The following WNK1 variants were observed in gnomAD, a reference collection of about 807,000 sequenced individuals.
WNK1 encodes WNK lysine deficient protein kinase 1.
In WNK1, 38 loss-of-function variants were observed where a neutral mutation model predicts 222.8. The observed-to-expected ratio is 0.17, with a 90% confidence interval of 0.13 to 0.22. WNK1 has a LOEUF of 0.22. Ranked by LOEUF, WNK1 falls within the 10% of genes least tolerant of loss-of-function variation. The pLI, the probability that WNK1 is intolerant of heterozygous loss-of-function variation, is 1.00. For missense variants in WNK1, 2,348 were observed against 2,918.4 expected (o/e 0.80, Z 4.50); for synonymous variants, 1,090 against 1,092.9 (o/e 1.00, Z 0.05).
intron 1 of WNK1, among the ~76,000 whole-genome samples, chr12:793,361 C>T (rs1477596735): frequency 6.6e-6 from 1 of 152,126 alleles, no homozygotes; most frequent in African/African-American, 2.4e-5. Flanking sequence ...AAGGAGAAAA[C>T]GTGTTGGTTC....
Position 882,201 on chromosome 12 carries a change from A to ATT in WNK1, c.3372+141_3372+142dup, listed in dbSNP as rs869267090. The ATT allele has an allele frequency of 7.0e-4, 625 of 886,840 alleles. 1 individual carries two copies. The highest frequency in any genetic ancestry group is 8.5e-4 in the Non-Finnish European group (513 of 603,478). The allele number at this position is 886,840 out of a possible 1,614,324, so 54.9% of individuals were successfully genotyped here. ...GATAACTATCTGTGTGTGACAGATA[A>ATT]TTTTTTTTTTTTTTAGACGGAGTCT... is the stretch of plus-strand genomic sequence containing the variant. On this transcript the variant is annotated intron_variant, in intron 14 of 27. Coordinates refer to ENST00000315939, the MANE Select transcript of WNK1 (RefSeq NM_018979.4).
intron 8 of WNK1, chr12:867,897 C>T: frequency 6.2e-7 from 1 of 1,613,970 alleles, no homozygotes; most frequent in Non-Finnish European, 8.5e-7. Context: ...TGTGGGGGGA[C>T]CCCAACATAC....
chr12:908,672 A>G lies in WNK1; in HGVS notation c.7029A>G (p.Pro2343=). Residue 2343 remains proline (P), a synonymous_variant, in exon 28 of 28, where the codon CCA becomes CCG. Coordinates refer to ENST00000315939, the MANE Select transcript of WNK1 (RefSeq NM_018979.4). ...FGAQWSGTGG[P]APQPLGQFQP... is the part of the protein sequence containing the mutation. Reference sequence around the variant, plus strand: ...CTCAATGGAGTGGGACGGGTGGCCCAGCACCACAGCCACTTGGCCAGTTCC... The same window carrying G: ...CTCAATGGAGTGGGACGGGTGGCCCGGCACCACAGCCACTTGGCCAGTTCC... 1 of 1,614,208 alleles carries G rather than the reference A, an allele frequency of 6.2e-7. No homozygotes were observed. The highest frequency in any genetic ancestry group is 8.5e-7 in the Non-Finnish European group (1 of 1,180,036).
intron 4 of WNK1, among the ~76,000 whole-genome samples, chr12:838,078 AGT>A (rs3072742): frequency 0.21 from 30,629 of 148,638 alleles, 3,372 homozygotes; most frequent in Middle Eastern, 0.28. Flanking sequence ...GTAATATTCC[AGT>A]GTGTGTGTGT....
chr12:871,354 A>G lies in WNK1; in HGVS notation c.2223+6A>G. ...CCATACAACATCCTCAGCAGGTGAG[A>G]ACAATGCATTGCAACATTTTATGAA... On this transcript the variant is annotated splice_donor_region_variant and intron_variant, in intron 9 of 27. Transcript: ENST00000315939. 1 of 1,613,512 alleles carries G rather than the reference A, an allele frequency of 6.2e-7. No individual in the cohort carries two copies. Among genetic ancestry groups the G allele is most frequent in the Non-Finnish European group, 8.5e-7 (1 of 1,179,444 alleles).
chr12:804,897 A>ATATTTTTATATTT (rs11276082), intron 1 of WNK1, among the ~76,000 whole-genome samples: 2 of 11,064 alleles, frequency 1.8e-4, no homozygotes, highest in East Asian at 0.01. Flanking sequence ...AATTTGGTAC[A>ATATTTTTATATTT]TATTTTTATA....
At chr12:859,882 ATT>A in intron 6 of WNK1, among the ~76,000 whole-genome samples, 1 of 151,506 alleles carries the variant, frequency 6.6e-6, no homozygotes, top group Non-Finnish European at 1.5e-5. Context: ...CACCTGACTA[ATT>A]TTTGTATTTT....
At chr12:777,552 C>T (rs747950958) in intron 1 of WNK1, among the ~76,000 whole-genome samples, 2 of 152,088 alleles carry the variant, frequency 1.3e-5, no homozygotes, top group South Asian at 2.1e-4. Context: ...TTGGACCAAA[C>T]GTAGTCTGCT....
At chr12:822,371 G>A (rs1947972605) in intron 2 of WNK1, among the ~76,000 whole-genome samples, 1 of 152,110 alleles carries the variant, frequency 6.6e-6, no homozygotes, top group African/African-American at 2.4e-5. Flanking sequence ...GGGATTACAG[G>A]CGTAAGCCAC....
chr12:840,380 C>T (rs1231443841), intron 4 of WNK1, among the ~76,000 whole-genome samples: 3 of 150,468 alleles, frequency 2.0e-5, no homozygotes, highest in African/African-American at 7.4e-5. Flanking sequence ...GATCCTCCTA[C>T]TTTAGCCTCC....
At chr12:842,545 T>C (rs1949708590) in intron 4 of WNK1, among the ~76,000 whole-genome samples, 1 of 152,190 alleles carries the variant, frequency 6.6e-6, no homozygotes, top group Admixed American at 6.5e-5. Context: ...CTACTCTCAC[T>C]TTGTTCTTTC....
At chr12:824,256 CCTAATTGTCA>C (rs1951970810) in intron 2 of WNK1, among the ~76,000 whole-genome samples, 1 of 146,508 alleles carries the variant, frequency 6.8e-6, no homozygotes, top group East Asian at 2.0e-4. Flanking sequence ...ACTGATGGTG[CCTAATTGTCA>C]CTTTTCTTTC....
intron 22 of WNK1, among the ~76,000 whole-genome samples, chr12:894,355 T>C (rs1326582801): frequency 6.6e-6 from 1 of 152,222 alleles, no homozygotes; most frequent in Non-Finnish European, 1.5e-5. Flanking sequence ...TATGTTAATG[T>C]TGTAGTTGGT....
rs1471388401 is a variant in WNK1, at chr12:884,975, G to A, written c.4171G>A (p.Gly1391Ser). ...GATTGCTGGAGTTGCCACCAGCACA[G>A]GTGTGGTAACTTCAGGTGGTCTCCC... ...EGIAGVATST[G>S]VVTSGGLPIP... is the part of the protein sequence containing the mutation. The change falls in exon 19 of 28, where the codon GGT (glycine) becomes AGT (serine). Residue 1391 changes from glycine (G) to serine (S), a missense_variant. By Grantham distance (56) the Gly-to-Ser change is moderately conservative. Transcript: ENST00000315939. This position sits in a 1 kb window ranked among gnomAD's most constrained non-coding sequence, Gnocchi z 5.6. 6.2e-7 allele frequency: 1 copy of A among 1,614,186 alleles called. No individual in the cohort carries two copies. Among genetic ancestry groups the A allele is most frequent in the South Asian group, 1.1e-5 (1 of 91,088 alleles).
chr12:796,765 C>A (rs962754117), intron 1 of WNK1, among the ~76,000 whole-genome samples: 1 of 152,192 alleles, frequency 6.6e-6, no homozygotes, highest in Non-Finnish European at 1.5e-5. Context: ...CATTTCTAAT[C>A]AGCCACCTTG....
At position 867,540 on chromosome 12, in the gene WNK1, T is replaced by C. The variant is rs1004833653; in HGVS notation, c.2140-3725T>C. ...TTTCTGTTGATGTAATTTACATTAA[T>C]GCTTAAGAGTGAACTTTTTAAGTGT... On this transcript the variant is annotated intron_variant, in intron 8 of 27. Coordinates refer to ENST00000315939, the MANE Select transcript of WNK1 (RefSeq NM_018979.4). Among the ~76,000 whole-genome samples the C allele has an allele frequency of 2.6e-5, 4 of 152,238 alleles. No homozygotes were observed. The East Asian group carries it at 7.7e-4, about 29-fold the overall frequency.
Position 900,540 on chromosome 12 carries a change from C to A in WNK1, c.6513C>A (p.Gly2171=), listed in dbSNP as rs1955168384. ...LHPQQTLHPP[G]NIPESGQNQL... Reference sequence around the variant, plus strand: ...CCCAGCAGACCCTCCACCCTCCTGGCAACATCCCAGAGTCCGGGCAGAATC... The same window carrying A: ...CCCAGCAGACCCTCCACCCTCCTGGAAACATCCCAGAGTCCGGGCAGAATC... Residue 2171 remains glycine, a synonymous_variant, in exon 26 of 28, where the codon GGC becomes GGA. Coordinates refer to ENST00000315939, the MANE Select transcript of WNK1 (RefSeq NM_018979.4). 7 of 1,614,110 alleles carry A rather than the reference C, an allele frequency of 4.3e-6. No homozygotes were observed. The East Asian group carries it at 1.6e-4, about 36-fold the overall frequency.
chr12:890,438 G>GT lies in WNK1; in HGVS notation c.5449-14dup, dbSNP rs554394776. On this transcript the variant is annotated splice_polypyrimidine_tract_variant and intron_variant, in intron 21 of 27. Transcript: ENST00000315939. Reference sequence around the variant, plus strand: ...AGCTAAAGATTTGTGGTGTCTGTCTGTGTGTGTTTTACAGCCTGTGTCCAT... The same window carrying GT: ...AGCTAAAGATTTGTGGTGTCTGTCTGTTGTGTGTTTTACAGCCTGTGTCCAT... 5.5e-5 allele frequency: 88 copies of GT among 1,614,054 alleles called. No individual in the cohort carries two copies. In the Admixed American group the frequency reaches 5.7e-4, roughly 10 times the overall value.
At chr12:908,404 G>A in intron 27 of WNK1, 71 bp from the exon 28 acceptor site, 1 of 1,465,684 alleles carries the variant, frequency 6.8e-7, no homozygotes, top group Non-Finnish European at 9.6e-7. Context: ...TATACTAGAA[G>A]TATATGTTAG....
Sources: gnomAD v4.1 joint callset for allele counts (sites outside exome capture counted in the v4.1 genomes callset) on GRCh38, gnomAD v4.1.1 for gene constraint, Gnocchi (gnomAD v3.1) non-coding constraint, MANE v1.5 for transcripts, NCBI Gene and HGNC (gene_info 2026-07-23, HGNC 2026-07-21) for gene names.